The following INTS6 variants were observed in gnomAD, a reference collection of about 807,000 sequenced individuals.
INTS6 encodes DEAD box protein.
Under a neutral mutation model 104.9 loss-of-function variants are expected in INTS6, and 16 were observed. The ratio of observed to expected loss-of-function variants is 0.15; its 90% confidence interval spans 0.10 to 0.23. The LOEUF is 0.23. Ranked by LOEUF, INTS6 falls within the 10% of genes least tolerant of loss-of-function variation. The pLI is 1.00. For missense variants in INTS6, 584 were observed against 1,062.8 expected, an observed-to-expected ratio of 0.55 and a Z score of 6.26; for synonymous variants, 324 against 358.7, an observed-to-expected ratio of 0.90 and a Z score of 1.09.
chr13:51,411,678 G>A (rs916503655), intron 4 of INTS6, among the ~76,000 whole-genome samples: 2 of 152,116 alleles, frequency 1.3e-5, no homozygotes, highest in African/African-American at 4.8e-5. Context: ...TTCAAGTGTT[G>A]GAAAGACGTA....
chr13:51,381,949 C>A, intron 10 of INTS6, 80 bp downstream of exon 10: 2 of 779,830 alleles, frequency 2.6e-6, no homozygotes, highest in Admixed American at 4.8e-5. Flanking sequence ...GATCCACCCG[C>A]CTCGGCCTCC....
intron 7 of INTS6, chr13:51,384,745 A>C: frequency 6.6e-6 from 3 of 455,776 alleles, no homozygotes; most frequent in Non-Finnish European, 8.8e-6. Context: ...GGCACTTACC[A>C]GAACACATAA....
rs1341347764 is a variant in INTS6 at position 51,450,653 on chromosome 13, AAACGAAG to A, written c.339+365_339+371del. The A allele has an allele frequency of 7.1e-6, 7 of 989,628 alleles. No individual in the cohort carries two copies. The African/African-American group carries it at 1.2e-4, about 17-fold the overall frequency. The allele number at this position is 989,628 out of a possible 1,614,324, so 61.3% of individuals were successfully genotyped here. ...TCCTCTAACATCTTTACTAATATAGAAACGAAGAACACGAACTAGTGTCTCTAAGCCA... is the reference window on the plus strand; with the variant it reads ...TCCTCTAACATCTTTACTAATATAGAAACACGAACTAGTGTCTCTAAGCCA... On this transcript the variant is annotated intron_variant, in intron 3 of 17. Coordinates refer to ENST00000311234, the MANE Select transcript of INTS6 (RefSeq NM_012141.3).
chr13:51,450,929 T>TA, intron 3 of INTS6, 96 bp downstream of exon 3: 1 of 1,377,784 alleles, frequency 7.3e-7, no homozygotes, highest in Non-Finnish European at 9.4e-7. Context: ...TGGAATGTTT[T>TA]ATACTTGCAT....
At chr13:51,395,867 G>A (rs1306169979) in intron 4 of INTS6, among the ~76,000 whole-genome samples, 1 of 152,128 alleles carries the variant, frequency 6.6e-6, no homozygotes, top group East Asian at 1.9e-4. Flanking sequence ...GCACGATCTT[G>A]GCTCATTGCA....
At chr13:51,449,874 C>A (rs1177826142) in intron 3 of INTS6, 38 of 985,200 alleles carry the variant, frequency 3.9e-5, no homozygotes, top group Middle Eastern at 5.2e-4. Context: ...ATTTACCTAA[C>A]TAAACGTTGG....
chr13:51,451,624 C>T (rs1217808368), intron 2 of INTS6: 2 of 156,400 alleles, frequency 1.3e-5, no homozygotes, highest in South Asian at 1.9e-4. Context: ...CGCGGCCGGG[C>T]CCGGCTGTCA....
intron 7 of INTS6, chr13:51,384,460 G>A: frequency 3.2e-6 from 1 of 316,782 alleles, no homozygotes; most frequent in Non-Finnish European, 6.3e-6. Flanking sequence ...AGCTATAAAG[G>A]ACTCTATTGG....
intron 15 of INTS6, among the ~76,000 whole-genome samples, chr13:51,371,640 T>C (rs985533438): frequency 1.3e-5 from 2 of 152,032 alleles, no homozygotes; most frequent in African/African-American, 2.4e-5. Flanking sequence ...GTGGTCACAA[T>C]CACCATCTCT....
In INTS6 at chr13:51,406,331, C is replaced by T. The variant is rs537877687; in HGVS notation, c.430-10848G>A. On this transcript the variant is annotated intron_variant, in intron 4 of 17. Coordinates refer to ENST00000311234, the MANE Select transcript of INTS6 (RefSeq NM_012141.3). ...GGCTCAAAGGGTATGTCAAACTAAA[C>T]ATGTTCAAAACTGAACTTAAGATTT... Among the ~76,000 whole-genome samples, 6 of 152,312 alleles carry T rather than the reference C, an allele frequency of 3.9e-5. No individual in the cohort carries two copies. The East Asian group carries it at 1.2e-3, about 29-fold the overall frequency.
chr13:51,449,760 AC>A, intron 3 of INTS6: 2 of 985,412 alleles, frequency 2.0e-6, no homozygotes, highest in Non-Finnish European at 2.4e-6. Flanking sequence ...ACAGAAACAA[AC>A]CAAAAAGTTC....
chr13:51,450,855 T>C (rs1244912506), intron 3 of INTS6, 170 bp downstream of exon 3: 3 of 1,230,564 alleles, frequency 2.4e-6, no homozygotes, highest in Non-Finnish European at 3.0e-6. Flanking sequence ...AAATGAGGGA[T>C]GTAAAATATA....
chr13:51,365,666 G>T lies in INTS6; in HGVS notation c.*86C>A. 1 of 657,784 alleles carries T rather than the reference G, an allele frequency of 1.5e-6. No homozygotes were observed. 40.7% of individuals were successfully genotyped at this position (657,784 alleles called of 1,614,324 possible). On this transcript the variant is annotated 3_prime_UTR_variant, in exon 18 of 18. Coordinates refer to ENST00000311234, the MANE Select transcript of INTS6 (RefSeq NM_012141.3). ...TTCAAATAGCCAACAATGCATGTCA[G>T]AAAATGAATGCAAGATCACAACAGT...
At chr13:51,400,667 G>A (rs1471854790) in intron 4 of INTS6, among the ~76,000 whole-genome samples, 1 of 152,116 alleles carries the variant, frequency 6.6e-6, no homozygotes, top group East Asian at 1.9e-4. Context: ...AAGGCAAGAT[G>A]CAAAATGATG....
chr13:51,410,962 A>G (rs926837195), intron 4 of INTS6, among the ~76,000 whole-genome samples: 8 of 152,158 alleles, frequency 5.3e-5, no homozygotes, highest in African/African-American at 1.9e-4. Context: ...CTGTTATCCC[A>G]GCACTTTGGG....
At chr13:51,436,729 C>T (rs1019637915) in intron 3 of INTS6, 21 of 151,856 alleles carry the variant, frequency 1.4e-4, no homozygotes, top group African/African-American at 2.4e-5. Flanking sequence ...CTACAAAAGA[C>T]GATAATATAA....
downstream of INTS6, chr13:51,361,180 A>T: frequency 1.3e-6 from 1 of 782,768 alleles, no homozygotes; most frequent in Non-Finnish European, 2.2e-6. Context: ...AGCATTGGAT[A>T]CTATAAATTT....
intron 4 of INTS6, among the ~76,000 whole-genome samples, chr13:51,408,164 A>G (rs1956612571): frequency 6.7e-6 from 1 of 149,570 alleles, no homozygotes; most frequent in African/African-American, 2.5e-5. Flanking sequence ...TTTTTTTGAA[A>G]TGGAGTTTCG....
rs755206882 is a variant in INTS6 at position 51,361,925 on chromosome 13, A to C, written c.*3827T>G. Reference sequence around the variant, plus strand: ...CAGTATTTTTTGACAGGATTCAGATAATTTATCAGTGTCTCTCTAGCAACA... The same window carrying C: ...CAGTATTTTTTGACAGGATTCAGATCATTTATCAGTGTCTCTCTAGCAACA... On this transcript the variant is annotated 3_prime_UTR_variant, in exon 18 of 18. Coordinates refer to ENST00000311234, the MANE Select transcript of INTS6 (RefSeq NM_012141.3). 2 of 1,611,944 alleles carry C rather than the reference A, an allele frequency of 1.2e-6. No homozygotes were observed. The highest frequency in any genetic ancestry group is 1.3e-5 in the African/African-American group (1 of 74,870).
Sources: allele counts gnomAD v4.1 joint callset (sites outside exome capture counted in the v4.1 genomes callset), GRCh38; gene constraint gnomAD v4.1.1; transcripts MANE v1.5; gene names NCBI Gene and HGNC (gene_info 2026-07-23, HGNC 2026-07-21).